The following MEIG1 variants were observed in gnomAD, a reference collection of about 807,000 sequenced individuals.
The protein encoded by MEIG1 is meiosis/spermiogenesis associated 1.
Under a neutral mutation model 11.3 loss-of-function variants are expected in MEIG1, and 12 were observed. That is an observed-to-expected ratio of 1.07 (90% CI 0.68 to 1.73). The LOEUF (loss-of-function observed/expected upper bound fraction) is 1.73, where lower values mean the gene tolerates loss of function less well. MEIG1 is among the 40% of genes most tolerant of loss of function. MEIG1 has a pLI of 0.00. For missense variants in MEIG1, 119 were observed against 104.9 expected (o/e 1.13, Z -0.59); for synonymous variants, 41 against 33.2 (o/e 1.24, Z -0.81).
Position 14,966,433 on chromosome 10 carries a change from C to T in MEIG1, c.-29-7C>T. 1 of 1,562,372 alleles carries T rather than the reference C, an allele frequency of 6.4e-7. No individual in the cohort carries two copies. Among genetic ancestry groups the T allele is most frequent in the South Asian group, 1.2e-5 (1 of 83,856 alleles). ...TTATCCATTAATGTTGTTTTAACAT[C>T]TTTCAGATATTATTGATAATAAGGC... On this transcript the variant is annotated splice_polypyrimidine_tract_variant and splice_region_variant and intron_variant, in intron 1 of 2. Transcript: ENST00000407572.
chr10:14,968,674 T>G (rs1195320337), intron 2 of MEIG1, among the ~76,000 whole-genome samples: 1 of 152,202 alleles, frequency 6.6e-6, no homozygotes, highest in Non-Finnish European at 1.5e-5. Context: ...CATGTATCTG[T>G]CTTCTCAACC....
At chr10:14,966,713 C>T (rs573398488) in intron 2 of MEIG1, 107 bp downstream of exon 2, 2 of 1,000,592 alleles carry the variant, frequency 2.0e-6, no homozygotes, top group Admixed American at 2.6e-5. Flanking sequence ...GACTCCAACT[C>T]TCTCATTTTA....
intron 1 of MEIG1, 44 bp downstream of exon 1, chr10:14,959,601 C>G (rs1328840355): frequency 6.6e-6 from 1 of 152,470 alleles, no homozygotes; most frequent in Non-Finnish European, 1.5e-5. Context: ...GCCCGCCAAC[C>G]CCTGCGCCCC....
chr10:14,982,565 G>A (rs1843275894), intron 1 of MEIG1, among the ~76,000 whole-genome samples: 1 of 151,480 alleles, frequency 6.6e-6, no homozygotes, highest in African/African-American at 2.4e-5. Flanking sequence ...GAGAAGGTCA[G>A]CAGAGGTGAA....
downstream of MEIG1, among the ~76,000 whole-genome samples, chr10:14,976,102 G>A (rs567071316): frequency 6.6e-6 from 1 of 152,204 alleles, no homozygotes; most frequent in African/African-American, 2.4e-5. Context: ...GCCCCCTTGC[G>A]ACGGGAATCG....
chr10:14,964,401 A>G (rs1398320029), intron 1 of MEIG1, among the ~76,000 whole-genome samples: 1 of 151,864 alleles, frequency 6.6e-6, no homozygotes, highest in East Asian at 1.9e-4. Flanking sequence ...AGCTAAATTT[A>G]TGTCTTGTAA....
chr10:14,984,346 T>A (rs1843296734), intron 1 of MEIG1, among the ~76,000 whole-genome samples: 1 of 152,106 alleles, frequency 6.6e-6, no homozygotes, highest in African/African-American at 2.4e-5. Context: ...TTCCATTTTC[T>A]AGCAACATGC....
rs1843306571 is a variant in MEIG1 at position 14,985,175 on chromosome 10, T to C, written n.67-1621T>C. On this transcript the variant is annotated intron_variant and non_coding_transcript_variant, in intron 1 of 2. Transcript: ENST00000467536. Reference sequence around the variant, plus strand: ...GATAGGAGTTGTAATATTCTAGAGATATGTTACTCATAAATCACTGGGGCC... The same window carrying C: ...GATAGGAGTTGTAATATTCTAGAGACATGTTACTCATAAATCACTGGGGCC... Among the ~76,000 whole-genome samples the C allele has an allele frequency of 2.0e-5, 3 of 152,012 alleles. No individual in the cohort carries two copies. The South Asian group carries it at 6.2e-4, about 32-fold the overall frequency.
At chr10:14,962,768 T>A (rs1843029593) in intron 1 of MEIG1, among the ~76,000 whole-genome samples, 1 of 152,030 alleles carries the variant, frequency 6.6e-6, no homozygotes, top group African/African-American at 2.4e-5. Flanking sequence ...TGGAATTTTT[T>A]TTTTTTTTCT....
intron 2 of MEIG1, chr10:14,987,363 C>T (rs1231690603): frequency 7.7e-6 from 6 of 782,676 alleles, no homozygotes; most frequent in African/African-American, 3.4e-5. Flanking sequence ...GACAGCAAAG[C>T]GAGGACAGGC....
At chr10:14,983,890 T>C (rs891341996) in intron 1 of MEIG1, among the ~76,000 whole-genome samples, 1 of 151,934 alleles carries the variant, frequency 6.6e-6, no homozygotes, top group Non-Finnish European at 1.5e-5. Flanking sequence ...GAGAAGAGGA[T>C]GATGTTACTT....
chr10:14,971,745 T>C (rs1283682043), intron 2 of MEIG1, among the ~76,000 whole-genome samples: 1 of 152,234 alleles, frequency 6.6e-6, no homozygotes, highest in East Asian at 1.9e-4. Context: ...GTTTAAAATC[T>C]TTTGTAAACA....
intron 1 of MEIG1, among the ~76,000 whole-genome samples, chr10:14,965,675 T>TGAGAGAGA (rs749211535): frequency 0.012 from 1,233 of 101,002 alleles, 24 homozygotes; most frequent in African/African-American, 0.042. Flanking sequence ...ATTCCCTTTT[T>TGAGAGAGA]GAGAGAGAGA....
intron 1 of MEIG1, among the ~76,000 whole-genome samples, chr10:14,963,529 C>G (rs1355130215): frequency 2.0e-5 from 3 of 152,094 alleles, no homozygotes; most frequent in Non-Finnish European, 4.4e-5. Flanking sequence ...TTTGTCATAG[C>G]TGGTATATTG....
rs150195365 is a variant in MEIG1, at chr10:14,985,907, G to T, written n.67-889G>T. On this transcript the variant is annotated intron_variant and non_coding_transcript_variant, in intron 1 of 2. Coordinates refer to the MEIG1 transcript ENST00000467536. ...CCTGATATCACAGTGCGTGTACCCC[G>T]GGTGTGTACACCCTTGATATTAGTC... Among the ~76,000 whole-genome samples the T allele has an allele frequency of 8.4e-3, 1,278 of 152,002 alleles. 17 individuals carry two copies. The highest frequency in any genetic ancestry group is 0.03 in the African/African-American group (1,224 of 41,420).
chr10:14,957,749 G>A (rs113218792), upstream of MEIG1, among the ~76,000 whole-genome samples: 1,148 of 152,166 alleles, frequency 7.5e-3, 22 homozygotes, highest in African/African-American at 0.026. Context: ...GGGTTCAAGC[G>A]ATTCTCCTGC....
chr10:14,965,489 G>A (rs892455941), intron 1 of MEIG1, among the ~76,000 whole-genome samples: 7 of 152,136 alleles, frequency 4.6e-5, no homozygotes, highest in African/African-American at 1.7e-4. Context: ...CAGTGTGCAT[G>A]GAATCTGTGT....
chr10:14,967,566 G>T (rs990460815), intron 2 of MEIG1, among the ~76,000 whole-genome samples: 16 of 150,058 alleles, frequency 1.1e-4, no homozygotes, highest in Middle Eastern at 6.9e-3. Flanking sequence ...GTGCACTGGC[G>T]CAATCTCGGC....
At chr10:14,978,655 G>A (rs750033754) in intron 1 of MEIG1, among the ~76,000 whole-genome samples, 15 of 151,958 alleles carry the variant, frequency 9.9e-5, no homozygotes, top group Non-Finnish European at 1.9e-4. Flanking sequence ...TAGTCTCCTA[G>A]ACGGATGTTA....
Sources: gnomAD v4.1 joint callset for allele counts (sites outside exome capture counted in the v4.1 genomes callset) on GRCh38, gnomAD v4.1.1 for gene constraint, MANE v1.5 for transcripts, NCBI Gene and HGNC (gene_info 2026-07-23, HGNC 2026-07-21) for gene names.